MAGI3: variants seen among roughly 807,000 people sequenced by gnomAD.
MAGI3 encodes membrane-associated guanylate kinase, WW and PDZ domain-containing protein 3.
In MAGI3, 43 loss-of-function variants were observed where a neutral mutation model predicts 121.8. That is an observed-to-expected ratio of 0.35 (90% confidence interval 0.28 to 0.46). MAGI3 has a LOEUF of 0.46. Among genes scored for constraint, MAGI3 ranks in the 20% least tolerant of loss-of-function variants. MAGI3 has a pLI of 1.00. For synonymous variants in MAGI3, 553 were observed against 639.3 expected (o/e 0.86, Z 2.04); for missense variants, 1,547 against 1,797.3 (o/e 0.86, Z 2.52).
chr1:113,631,655 T>C (rs955876063), intron 9 of MAGI3, among the ~76,000 whole-genome samples: 3 of 152,122 alleles, frequency 2.0e-5, no homozygotes, highest in Non-Finnish European at 4.4e-5. Context: ...TATAACCTTA[T>C]TTGAAAAAAA....
At position 113,483,997 on chromosome 1, in the gene MAGI3, A is replaced by G. The variant is rs565947901; in HGVS notation, c.317-65518A>G. ...AAATATTTTAGCATGTATCCCATTT[A>G]GGAAGTTTAACATTGATACAATATT... On this transcript the variant is annotated intron_variant, in intron 1 of 20. Transcript: ENST00000307546. Among the ~76,000 whole-genome samples the G allele has an allele frequency of 2.6e-5, 4 of 152,258 alleles. No individual in the cohort carries two copies. In the South Asian group the frequency reaches 8.3e-4, roughly 32 times the overall value.
intron 1 of MAGI3, among the ~76,000 whole-genome samples, chr1:113,527,556 AG>A (rs1013009585): frequency 6.6e-6 from 1 of 152,248 alleles, no homozygotes; most frequent in African/African-American, 2.4e-5. Flanking sequence ...GAAAACTTTC[AG>A]CATTCAATAC....
chr1:113,441,875 G>T (rs1376528003), intron 1 of MAGI3, among the ~76,000 whole-genome samples: 1 of 152,126 alleles, frequency 6.6e-6, no homozygotes, highest in Non-Finnish European at 1.5e-5. Context: ...TTTACATGTT[G>T]AAGCAGTTAT....
chr1:113,439,592 G>A (rs1426292819), intron 1 of MAGI3, among the ~76,000 whole-genome samples: 2 of 152,004 alleles, frequency 1.3e-5, no homozygotes, highest in Admixed American at 6.6e-5. Flanking sequence ...TTTGAGCTCC[G>A]TGAGAACATA....
At chr1:113,632,899 GTT>G (rs71090715) in intron 9 of MAGI3, among the ~76,000 whole-genome samples, 248 of 149,196 alleles carry the variant, frequency 1.7e-3, no homozygotes, top group African/African-American at 5.3e-3. Flanking sequence ...TAGTTTTTTA[GTT>G]TTTTTTTTAT....
At chr1:113,467,256 G>A (rs902276040) in intron 1 of MAGI3, among the ~76,000 whole-genome samples, 1 of 152,026 alleles carries the variant, frequency 6.6e-6, no homozygotes, top group Non-Finnish European at 1.5e-5. Context: ...CAGTTTCTGA[G>A]GTTCCTCTTG....
chr1:113,491,232 C>G lies in MAGI3; in HGVS notation c.317-58283C>G, dbSNP rs539675707. Among the ~76,000 whole-genome samples the G allele has an allele frequency of 2.0e-5, 3 of 152,280 alleles. No homozygotes were observed. In the South Asian group the frequency reaches 6.2e-4, roughly 32 times the overall value. ...CAAGACTAAGAAATTCACTCAGAACCATACAATTACATGGCAATTGGATAA... is the reference window on the plus strand; with the variant it reads ...CAAGACTAAGAAATTCACTCAGAACGATACAATTACATGGCAATTGGATAA... On this transcript the variant is annotated intron_variant, in intron 1 of 20. Coordinates refer to ENST00000307546, the MANE Select transcript of MAGI3 (RefSeq NM_001142782.2).
At chr1:113,459,589 C>A (rs1654930933) in intron 1 of MAGI3, among the ~76,000 whole-genome samples, 1 of 152,152 alleles carries the variant, frequency 6.6e-6, no homozygotes, top group African/African-American at 2.4e-5. Flanking sequence ...AGATTCATAA[C>A]CTGAGATTTC....
At chr1:113,442,908 C>T (rs915488405) in intron 1 of MAGI3, among the ~76,000 whole-genome samples, 3 of 152,022 alleles carry the variant, frequency 2.0e-5, no homozygotes, top group Non-Finnish European at 4.4e-5. Context: ...AGTATAAGAT[C>T]CTCAAAATTT....
intron 9 of MAGI3, among the ~76,000 whole-genome samples, chr1:113,636,349 T>G (rs1225202475): frequency 6.6e-6 from 1 of 152,254 alleles, no homozygotes; most frequent in Non-Finnish European, 1.5e-5. Context: ...TTTCCTGCTT[T>G]CTTTTGTGGG....
rs969493123 is a variant in MAGI3, at chr1:113,590,395, T to C, written c.764-89T>C. ...CAAGAAATTTGCCATATTTATGTAT[T>C]TGGAATTTTTTTAGAAAGGAAAGGT... On this transcript the variant is annotated intron_variant, in intron 4 of 20. Coordinates refer to ENST00000307546, the MANE Select transcript of MAGI3 (RefSeq NM_001142782.2). 1.3e-5 allele frequency: 16 copies of C among 1,256,568 alleles called. 1 individual carries two copies. Among genetic ancestry groups the C allele is most frequent in the Non-Finnish European group, 1.7e-5 (16 of 923,326 alleles). The allele number at this position is 1,256,568 out of a possible 1,614,324, so 77.8% of individuals were successfully genotyped here. A position where few individuals can be genotyped will look rare whatever the true frequency, so the allele number is the denominator to read the frequency against.
At chr1:113,682,056 A>T (rs1648251544) in intron 20 of MAGI3, among the ~76,000 whole-genome samples, 1 of 151,166 alleles carries the variant, frequency 6.6e-6, no homozygotes, top group Non-Finnish European at 1.5e-5. Context: ...TGTAGACATA[A>T]CCTCCTACAG....
intron 4 of MAGI3, among the ~76,000 whole-genome samples, chr1:113,587,914 A>G (rs1315997861): frequency 6.6e-6 from 1 of 152,254 alleles, no homozygotes; most frequent in Non-Finnish European, 1.5e-5. Flanking sequence ...TACAAAATAA[A>G]TCATGTGTTT....
chr1:113,613,661 G>A (rs937192595), intron 6 of MAGI3, among the ~76,000 whole-genome samples: 2 of 152,088 alleles, frequency 1.3e-5, no homozygotes, highest in Admixed American at 6.6e-5. Context: ...AAATAAAAGC[G>A]TGGGACATCA....
intron 1 of MAGI3, among the ~76,000 whole-genome samples, chr1:113,483,271 G>A (rs1406681827): frequency 1.3e-5 from 2 of 152,158 alleles, no homozygotes; most frequent in Non-Finnish European, 2.9e-5. Flanking sequence ...CTTTTTAGAG[G>A]TTGCTGTGGA....
chr1:113,549,489 GTT>G (rs763944707), intron 1 of MAGI3, 24 bp from the exon 2 acceptor site: 753 of 1,020,316 alleles, frequency 7.4e-4, no homozygotes, highest in South Asian at 1.5e-3. Context: ...TTTATTTTCT[GTT>G]TTTTTTTTTT....
At chr1:113,453,115 G>A (rs1034029210) in intron 1 of MAGI3, among the ~76,000 whole-genome samples, 1 of 152,170 alleles carries the variant, frequency 6.6e-6, no homozygotes, top group Non-Finnish European at 1.5e-5. Context: ...ATGCCACCTA[G>A]TGTTCTCTTG....
chr1:113,446,268 G>A (rs777793090), intron 1 of MAGI3, among the ~76,000 whole-genome samples: 51 of 152,262 alleles, frequency 3.3e-4, no homozygotes, highest in Non-Finnish European at 2.4e-4. Flanking sequence ...TGTTATGGGA[G>A]CAGAGTTTTA....
chr1:113,514,219 G>A (rs12047332), intron 1 of MAGI3, among the ~76,000 whole-genome samples: 23,170 of 152,002 alleles, frequency 0.15, 2,804 homozygotes, highest in East Asian at 0.63. Flanking sequence ...CAGTGTGGCG[G>A]TTCCTCAGGG....
Sources: gnomAD v4.1 joint callset for allele counts (sites outside exome capture counted in the v4.1 genomes callset) on GRCh38, gnomAD v4.1.1 for gene constraint, MANE v1.5 for transcripts, NCBI Gene and HGNC (gene_info 2026-07-23, HGNC 2026-07-21) for gene names.